The following EBF1 variants were observed in gnomAD, a reference collection of about 807,000 sequenced individuals.
EBF1 encodes the protein transcription factor COE1.
A neutral mutation model predicts 68.4 loss-of-function variants in EBF1; 10 were observed. That is an observed-to-expected ratio of 0.15 (90% CI 0.09 to 0.25). EBF1 has a LOEUF of 0.25. Ranked by LOEUF, EBF1 falls within the 10% of genes least tolerant of loss-of-function variation. The probability of loss-of-function intolerance (pLI) is 1.00; values close to 1 mark genes in which losing one functional copy is unlikely to be tolerated. For synonymous variants in EBF1, 298 were observed against 299.8 expected (o/e 0.99, Z 0.06); for missense variants, 509 against 794.4 (o/e 0.64, Z 4.32).
At chr5:158,737,460 AT>A (rs1339003819) in intron 10 of EBF1, among the ~76,000 whole-genome samples, 2 of 150,640 alleles carry the variant, frequency 1.3e-5, no homozygotes, top group Non-Finnish European at 3.0e-5. Context: ...ATTTTTTTGT[AT>A]TTTTAATAGA....
At chr5:159,024,421 T>C (rs891291200) in intron 6 of EBF1, among the ~76,000 whole-genome samples, 4 of 152,188 alleles carry the variant, frequency 2.6e-5, no homozygotes, top group Non-Finnish European at 5.9e-5. Flanking sequence ...TGATATATTT[T>C]GGAAAGCCCT....
At chr5:158,888,291 T>TG (rs1800448283) in intron 6 of EBF1, among the ~76,000 whole-genome samples, 1 of 152,036 alleles carries the variant, frequency 6.6e-6, no homozygotes, top group African/African-American at 2.4e-5. Context: ...TGTGTGTTTG[T>TG]TGTGTGTATA....
rs920679343 is a variant in EBF1, at chr5:159,074,389, G to A, written c.486-925C>T. ...AAATAAAAACAAGATCTGCACCAGGGGCATACTTATAAAAGCAGTGAAGTA... is the reference window on the plus strand; with the variant it reads ...AAATAAAAACAAGATCTGCACCAGGAGCATACTTATAAAAGCAGTGAAGTA... On this transcript the variant is annotated intron_variant, in intron 5 of 15. Coordinates refer to ENST00000313708, the MANE Select transcript of EBF1 (RefSeq NM_024007.5). Among the ~76,000 whole-genome samples the A allele has an allele frequency of 5.9e-5, 9 of 152,184 alleles. No individual in the cohort carries two copies. The East Asian group carries it at 1.7e-3, about 29-fold the overall frequency.
intron 13 of EBF1, 107 bp from the exon 14 acceptor site, chr5:158,712,440 C>T: frequency 1.5e-6 from 2 of 1,293,440 alleles, no homozygotes; most frequent in South Asian, 1.4e-5. Context: ...TCGCCGCAAC[C>T]CAGAGGGAAG....
In EBF1 at chr5:158,813,896, C is replaced by T. The variant is rs367754984; in HGVS notation, c.778+9280G>A. Among the ~76,000 whole-genome samples, 4 of 152,166 alleles carry T rather than the reference C, an allele frequency of 2.6e-5. No homozygotes were observed. The East Asian group carries it at 7.7e-4, about 29-fold the overall frequency. The stretch of plus-strand genomic sequence containing the variant: ...CAGCACATCAAAGCTTCCACTTGCC[C>T]ATAAACATCATTTGAAGCCTCTGAA... On this transcript the variant is annotated intron_variant, in intron 8 of 15. Transcript: ENST00000313708.
At chr5:158,977,504 C>T (rs1757013616) in intron 6 of EBF1, among the ~76,000 whole-genome samples, 1 of 152,094 alleles carries the variant, frequency 6.6e-6, no homozygotes, top group South Asian at 2.1e-4. Flanking sequence ...ACAGAATATT[C>T]CTGATCATTT....
intron 6 of EBF1, among the ~76,000 whole-genome samples, chr5:158,925,367 G>T (rs79025192): frequency 0.023 from 3,546 of 152,258 alleles, 141 homozygotes; most frequent in African/African-American, 0.082. Flanking sequence ...AACACAGAGT[G>T]AATATACAAT....
intron 8 of EBF1, among the ~76,000 whole-genome samples, chr5:158,822,784 G>A (rs756148844): frequency 2.6e-5 from 4 of 152,182 alleles, no homozygotes; most frequent in Admixed American, 6.5e-5. Flanking sequence ...TTATAAACAT[G>A]TCAAATATAT....
At chr5:159,027,184 C>T (rs776334083) in intron 6 of EBF1, among the ~76,000 whole-genome samples, 2 of 152,178 alleles carry the variant, frequency 1.3e-5, no homozygotes, top group African/African-American at 4.8e-5. Flanking sequence ...TACCTGTACA[C>T]TCCTCCCATT....
Position 158,698,920 on chromosome 5 carries a change from T to G in EBF1, c.*191A>C. On this transcript the variant is annotated 3_prime_UTR_variant, in exon 16 of 16. Transcript: ENST00000313708. ...GGAGGTACAACTTTAACCAACACCC[T>G]GCACTTGCAGATCCCTCTTCCAATT... 2.1e-6 allele frequency: 1 copy of G among 470,850 alleles called. No homozygotes were observed. The highest frequency in any genetic ancestry group is 3.8e-6 in the Non-Finnish European group (1 of 265,684). The allele number at this position is 470,850 out of a possible 1,614,324, so 29.2% of individuals were successfully genotyped here.
chr5:158,832,298 TTC>T (rs892715360), intron 7 of EBF1, among the ~76,000 whole-genome samples: 2 of 152,236 alleles, frequency 1.3e-5, no homozygotes, highest in African/African-American at 4.8e-5. Context: ...GATGCACACT[TTC>T]TGCCAAGGCT....
intron 6 of EBF1, among the ~76,000 whole-genome samples, chr5:158,931,284 C>T (rs944073257): frequency 1.3e-5 from 2 of 152,172 alleles, no homozygotes; most frequent in African/African-American, 4.8e-5. Flanking sequence ...CAACATACTC[C>T]ACACTTATTT....
At chr5:158,924,640 C>G (rs1430789391) in intron 6 of EBF1, among the ~76,000 whole-genome samples, 1 of 151,958 alleles carries the variant, frequency 6.6e-6, no homozygotes, top group Non-Finnish European at 1.5e-5. Flanking sequence ...ATCACGAGGT[C>G]ACGAGATCGA....
chr5:158,857,501 C>A (rs189365418), intron 6 of EBF1, among the ~76,000 whole-genome samples: 1 of 152,164 alleles, frequency 6.6e-6, no homozygotes, highest in East Asian at 1.9e-4. Context: ...CAAGTATAAT[C>A]TTTTTGGTGC....
intron 6 of EBF1, among the ~76,000 whole-genome samples, chr5:158,978,638 T>TA (rs1253363415): frequency 6.8e-6 from 1 of 147,474 alleles, no homozygotes; most frequent in Non-Finnish European, 1.5e-5. Flanking sequence ...TTTTTTTTTT[T>TA]ACATTATCTG....
intron 6 of EBF1, among the ~76,000 whole-genome samples, chr5:158,978,801 C>T (rs199992121): frequency 3.2e-5 from 2 of 62,740 alleles, no homozygotes; most frequent in Non-Finnish European, 8.3e-5. Flanking sequence ...CACACATACA[C>T]ACACACACAC....
chr5:158,916,451 T>C (rs999098115), intron 6 of EBF1, among the ~76,000 whole-genome samples: 2 of 152,218 alleles, frequency 1.3e-5, no homozygotes, highest in Non-Finnish European at 2.9e-5. Flanking sequence ...AAAAATAGCA[T>C]GTACAATTTA....
chr5:158,894,850 G>A (rs553885175), intron 6 of EBF1, among the ~76,000 whole-genome samples: 61 of 152,132 alleles, frequency 4.0e-4, no homozygotes, highest in African/African-American at 1.4e-3. Context: ...GTATCAATTC[G>A]CCCACATCTC....
At chr5:158,830,459 C>T (rs1461416644) in intron 7 of EBF1, among the ~76,000 whole-genome samples, 1 of 152,128 alleles carries the variant, frequency 6.6e-6, no homozygotes, top group Non-Finnish European at 1.5e-5. Flanking sequence ...TTAGTAGAGA[C>T]GGTGTTTCAC....
Sources: gnomAD v4.1 joint callset for allele counts (sites outside exome capture counted in the v4.1 genomes callset) on GRCh38, gnomAD v4.1.1 for gene constraint, MANE v1.5 for transcripts, NCBI Gene and HGNC (gene_info 2026-07-23, HGNC 2026-07-21) for gene names.